Variants in ST8SIA6 observed in about 807,000 individuals in gnomAD.
ST8SIA6 encodes alpha-2,8-sialyltransferase 8F.
In ST8SIA6, 39 loss-of-function variants were observed where a neutral mutation model predicts 33.6. The observed-to-expected ratio is 1.16, with a 90% CI of 0.90 to 1.52. The LOEUF (loss-of-function observed/expected upper bound fraction) is 1.52. Ranked by LOEUF, ST8SIA6 falls within the 40% of genes most tolerant of loss-of-function variation. ST8SIA6 has a pLI of 0.00. For missense variants in ST8SIA6, 441 were observed against 443.8 expected, an observed-to-expected ratio of 0.99 and a Z score of 0.06; for synonymous variants, 172 against 167.2, an observed-to-expected ratio of 1.03 and a Z score of -0.22.
intron 7 of ST8SIA6, 29 bp from the exon 8 acceptor site, chr10:17,321,375 T>C (rs770586689): frequency 1.8e-5 from 27 of 1,529,682 alleles, no homozygotes; most frequent in Non-Finnish European, 2.0e-5. Flanking sequence ...ATTATAGTAA[T>C]CCCAAGAATA....
At chr10:17,447,032 A>C (rs1852733806) in intron 2 of ST8SIA6, among the ~76,000 whole-genome samples, 1 of 151,342 alleles carries the variant, frequency 6.6e-6, no homozygotes. Flanking sequence ...CTCAAAAAAA[A>C]AAAAAAAAAG....
rs140668779 is a variant in ST8SIA6 at position 17,355,205 on chromosome 10, A to G, written c.377+4309T>C. The stretch of plus-strand genomic sequence containing the variant: ...ATTTATATTTTCCCCAGACCAAGCA[A>G]AAGGTCTTCTGTATCCAGTTGTCTT... On this transcript the variant is annotated intron_variant, in intron 4 of 7. Transcript: ENST00000377602. 5.9e-5 allele frequency among the ~76,000 whole-genome samples: 9 copies of G among 152,326 alleles called. No individual in the cohort carries two copies. In the East Asian group the frequency reaches 1.7e-3, roughly 29 times the overall value.
At chr10:17,346,077 A>G (rs1444173995) in intron 4 of ST8SIA6, among the ~76,000 whole-genome samples, 2 of 152,166 alleles carry the variant, frequency 1.3e-5, no homozygotes, top group Admixed American at 1.3e-4. Context: ...TTCTCTGGAC[A>G]CTTCCCCAAG....
At chr10:17,337,114 T>C in intron 4 of ST8SIA6, among the ~76,000 whole-genome samples, 1 of 151,570 alleles carries the variant, frequency 6.6e-6, no homozygotes, top group East Asian at 1.9e-4. Context: ...TCTCACGAGA[T>C]CTGGTTGTTT....
chr10:17,318,945 G>A lies in ST8SIA6; in HGVS notation c.*1933C>T, dbSNP rs903668903. On this transcript the variant is annotated 3_prime_UTR_variant, in exon 8 of 8. Coordinates refer to ENST00000377602, the MANE Select transcript of ST8SIA6 (RefSeq NM_001004470.3). ...GAAGGTGGGATATATGCCCTACCAG[G>A]AAGAAAATGTTAGGATTCAATGAGG... Among the ~76,000 whole-genome samples the A allele has an allele frequency of 6.6e-6, 1 of 152,132 alleles. No individual in the cohort carries two copies. Among genetic ancestry groups the A allele is most frequent in the African/African-American group, 2.4e-5 (1 of 41,422 alleles).
intron 4 of ST8SIA6, among the ~76,000 whole-genome samples, chr10:17,353,890 A>G (rs1564417309): frequency 6.6e-6 from 1 of 152,200 alleles, no homozygotes; most frequent in Non-Finnish European, 1.5e-5. Flanking sequence ...TAGTGGCTCC[A>G]AAAGAAACTA....
chr10:17,333,280 T>G (rs1848359290), intron 4 of ST8SIA6, among the ~76,000 whole-genome samples: 1 of 152,072 alleles, frequency 6.6e-6, no homozygotes, highest in African/African-American at 2.4e-5. Context: ...TCCTCATGGA[T>G]AGAAAGAATC....
intron 2 of ST8SIA6, among the ~76,000 whole-genome samples, chr10:17,396,686 C>A (rs985896792): frequency 1.3e-5 from 2 of 152,234 alleles, no homozygotes; most frequent in African/African-American, 4.8e-5. Context: ...TCCCCTTTCC[C>A]TACCACAGTC....
chr10:17,390,490 CTTG>C, intron 3 of ST8SIA6, 38 bp downstream of exon 3: 1 of 1,509,584 alleles, frequency 6.6e-7, no homozygotes, highest in Non-Finnish European at 9.2e-7. Context: ...AAATAAAACC[CTTG>C]TTGTAAAAGG....
At chr10:17,359,237 C>T (rs1429179547) in intron 4 of ST8SIA6, among the ~76,000 whole-genome samples, 2 of 152,148 alleles carry the variant, frequency 1.3e-5, no homozygotes, top group East Asian at 3.9e-4. Context: ...TACCAAAAAA[C>T]ACAACATCTT....
At chr10:17,384,047 A>G (rs910089560) in intron 3 of ST8SIA6, among the ~76,000 whole-genome samples, 2 of 152,242 alleles carry the variant, frequency 1.3e-5, no homozygotes, top group Non-Finnish European at 2.9e-5. Context: ...ACAGGACACA[A>G]TTGGAGAAAC....
chr10:17,415,628 C>T (rs1037958032), intron 2 of ST8SIA6, among the ~76,000 whole-genome samples: 1 of 152,040 alleles, frequency 6.6e-6, no homozygotes, highest in Non-Finnish European at 1.5e-5. Flanking sequence ...GGAATGCACG[C>T]ATACACATAA....
intron 6 of ST8SIA6, among the ~76,000 whole-genome samples, chr10:17,324,738 CAA>C (rs1491190226): frequency 7.4e-6 from 1 of 135,244 alleles, no homozygotes; most frequent in Non-Finnish European, 1.5e-5. Context: ...CACACACACA[CAA>C]ACAGTAGTAT....
At chr10:17,365,889 C>T (rs1384073761) in intron 3 of ST8SIA6, among the ~76,000 whole-genome samples, 1 of 152,100 alleles carries the variant, frequency 6.6e-6, no homozygotes, top group Non-Finnish European at 1.5e-5. Flanking sequence ...TGGGTGGGAA[C>T]AACACAGTAA....
rs185964049 is a variant in ST8SIA6, at chr10:17,343,484, C to A, written c.378-11932G>T. ...AATTTCAGCTCTGATGTTATTGGTA[C>A]CTGCAGAAGAGAGGTGGAGAGGTTA... On this transcript the variant is annotated intron_variant, in intron 4 of 7. Transcript: ENST00000377602. Among the ~76,000 whole-genome samples the A allele has an allele frequency of 2.0e-5, 3 of 152,166 alleles. No homozygotes were observed. The East Asian group carries it at 5.8e-4, about 29-fold the overall frequency.
At chr10:17,421,717 C>T (rs995874702) in intron 2 of ST8SIA6, among the ~76,000 whole-genome samples, 1 of 151,864 alleles carries the variant, frequency 6.6e-6, no homozygotes, top group Non-Finnish European at 1.5e-5. Flanking sequence ...AGTGTGTCAC[C>T]GTGCCCTTCT....
At chr10:17,332,783 G>C (rs2131586402) in intron 4 of ST8SIA6, among the ~76,000 whole-genome samples, 1 of 152,308 alleles carries the variant, frequency 6.6e-6, no homozygotes, top group South Asian at 2.1e-4. Context: ...GTATTTCACT[G>C]TGGTTTTGAA....
intron 2 of ST8SIA6, among the ~76,000 whole-genome samples, chr10:17,399,760 A>T (rs1850966457): frequency 6.6e-6 from 1 of 151,894 alleles, no homozygotes; most frequent in African/African-American, 2.4e-5. Context: ...TCTATATACA[A>T]TTTAAAAATT....
rs1441702617 is a variant in ST8SIA6, at chr10:17,319,359, G to A, written c.*1519C>T. Among the ~76,000 whole-genome samples the A allele has an allele frequency of 6.6e-6, 1 of 151,960 alleles. No homozygotes were observed. Among genetic ancestry groups the A allele is most frequent in the African/African-American group, 2.4e-5 (1 of 41,374 alleles). On this transcript the variant is annotated 3_prime_UTR_variant, in exon 8 of 8. Coordinates refer to ENST00000377602, the MANE Select transcript of ST8SIA6 (RefSeq NM_001004470.3). Reference sequence around the variant, plus strand: ...TATAACACACTTTATGAAATCTCGGGGTGTCTGTTTAGCCAAAGATTTTTG... The same window carrying A: ...TATAACACACTTTATGAAATCTCGGAGTGTCTGTTTAGCCAAAGATTTTTG...
Sources: allele counts gnomAD v4.1 joint callset (sites outside exome capture counted in the v4.1 genomes callset), GRCh38; gene constraint gnomAD v4.1.1; transcripts MANE v1.5; gene names NCBI Gene and HGNC (gene_info 2026-07-23, HGNC 2026-07-21).